Variants in MEIS1 observed in about 807,000 individuals in gnomAD.
MEIS1 encodes the protein Meis homeobox 1, also known as homeobox protein Meis1.
In MEIS1, 5 loss-of-function variants were observed where a neutral mutation model predicts 50.8. That is an observed-to-expected ratio of 0.10 (90% CI 0.05 to 0.21). The LOEUF (loss-of-function observed/expected upper bound fraction) is 0.21, where lower values mean the gene tolerates loss of function less well. Among genes scored for constraint, MEIS1 ranks in the 10% least tolerant of loss-of-function variants. MEIS1 has a pLI of 1.00. For synonymous variants in MEIS1, 176 were observed against 179.3 expected (o/e 0.98, Z 0.15); for missense variants, 318 against 517.3 (o/e 0.61, Z 3.74).
intron 7 of MEIS1, among the ~76,000 whole-genome samples, chr2:66,488,232 T>G (rs12471916): frequency 0.31 from 46,963 of 152,068 alleles, 10,407 homozygotes; most frequent in African/African-American, 0.63. Context: ...GGTCAGGAAT[T>G]ACTGGTATAA....
At chr2:66,477,824 C>T (rs1245508256) in intron 7 of MEIS1, among the ~76,000 whole-genome samples, 2 of 152,192 alleles carry the variant, frequency 1.3e-5, no homozygotes, top group Non-Finnish European at 2.9e-5. Flanking sequence ...TTTCCCACTT[C>T]TCAGCTGCTA....
At chr2:66,490,955 T>C (rs991498360) in intron 7 of MEIS1, among the ~76,000 whole-genome samples, 1 of 152,212 alleles carries the variant, frequency 6.6e-6, no homozygotes, top group Non-Finnish European at 1.5e-5. Flanking sequence ...TCCGGTTCAT[T>C]GTTTGCCACT....
intron 4 of MEIS1, chr2:66,440,934 C>G (rs1430615161): frequency 2.4e-6 from 1 of 419,556 alleles, no homozygotes; most frequent in Middle Eastern, 5.9e-4. Context: ...TTGCGGACTT[C>G]CTAGCCCTCT....
intron 6 of MEIS1, among the ~76,000 whole-genome samples, chr2:66,452,794 T>C (rs1672305362): frequency 6.6e-6 from 1 of 151,972 alleles, no homozygotes; most frequent in Non-Finnish European, 1.5e-5. Context: ...GCTTGGCCTA[T>C]TGTTTCATTA....
At chr2:66,456,926 A>C (rs149477666) in intron 6 of MEIS1, among the ~76,000 whole-genome samples, 67 of 152,312 alleles carry the variant, frequency 4.4e-4, no homozygotes, top group African/African-American at 1.5e-3. Context: ...AGGTTTCTCT[A>C]AAGTATGCTA....
intron 9 of MEIS1, among the ~76,000 whole-genome samples, chr2:66,566,524 A>T (rs755052070): frequency 5.9e-5 from 9 of 152,080 alleles, no homozygotes; most frequent in Non-Finnish European, 1.0e-4. Context: ...TCTGGATTTG[A>T]TACGTAATTT....
chr2:66,509,655 G>GCTTT (rs922612686), intron 7 of MEIS1, among the ~76,000 whole-genome samples: 3 of 152,152 alleles, frequency 2.0e-5, no homozygotes, highest in African/African-American at 7.2e-5. Context: ...TAATGCTTCT[G>GCTTT]CTTTCATACA....
chr2:66,440,900 C>T, intron 4 of MEIS1: 1 of 487,036 alleles, frequency 2.1e-6, no homozygotes, highest in Non-Finnish European at 3.6e-6. Flanking sequence ...TATCTCCCGG[C>T]CTGTCAGCAT....
intron 1 of MEIS1, chr2:66,436,846 A>G: frequency 2.0e-6 from 2 of 977,424 alleles, no homozygotes; most frequent in Non-Finnish European, 2.4e-6. Context: ...CACACACACA[A>G]AATAATGACA....
intron 7 of MEIS1, among the ~76,000 whole-genome samples, chr2:66,509,682 A>AACGCCACAAC (rs1673776783): frequency 6.6e-6 from 1 of 152,224 alleles, no homozygotes; most frequent in Non-Finnish European, 1.5e-5. Context: ...ATAAACAGGA[A>AACGCCACAAC]AGGTTCTGGT....
intron 7 of MEIS1, among the ~76,000 whole-genome samples, chr2:66,485,102 A>AT (rs1212279930): frequency 6.6e-6 from 1 of 151,790 alleles, no homozygotes; most frequent in Non-Finnish European, 1.5e-5. Flanking sequence ...TACACATATG[A>AT]TTTTTTATTA....
chr2:66,563,042 ACTAT>A (rs1326045571), intron 9 of MEIS1, among the ~76,000 whole-genome samples: 1 of 152,194 alleles, frequency 6.6e-6, no homozygotes, highest in Non-Finnish European at 1.5e-5. Context: ...AAGGTGTGTA[ACTAT>A]CTATTTTAAT....
chr2:66,450,632 A>T (rs1003645745), intron 6 of MEIS1, among the ~76,000 whole-genome samples: 1 of 152,208 alleles, frequency 6.6e-6, no homozygotes, highest in African/African-American at 2.4e-5. Context: ...ACATTTTACA[A>T]TGGACTTAAA....
At chr2:66,454,956 G>GT in intron 6 of MEIS1, among the ~76,000 whole-genome samples, 1 of 152,088 alleles carries the variant, frequency 6.6e-6, no homozygotes. Context: ...GTGGATTAGG[G>GT]TTTTTTTCAG....
chr2:66,473,856 T>C (rs1015671576), intron 7 of MEIS1, among the ~76,000 whole-genome samples: 2 of 152,030 alleles, frequency 1.3e-5, no homozygotes, highest in African/African-American at 4.8e-5. Context: ...TCCAGGACCC[T>C]CTCCCCTCAA....
intron 7 of MEIS1, among the ~76,000 whole-genome samples, chr2:66,479,050 A>G (rs1010661338): frequency 6.6e-6 from 1 of 152,256 alleles, no homozygotes; most frequent in African/African-American, 2.4e-5. Flanking sequence ...TGTTATAACA[A>G]GATTGTTTGA....
chr2:66,490,661 G>A (rs1239633309), intron 7 of MEIS1, among the ~76,000 whole-genome samples: 1 of 151,968 alleles, frequency 6.6e-6, no homozygotes, highest in Non-Finnish European at 1.5e-5. Flanking sequence ...TATGATCTGG[G>A]TTGTGATTCA....
At chr2:66,469,346 T>G (rs888807109) in intron 7 of MEIS1, among the ~76,000 whole-genome samples, 1 of 152,088 alleles carries the variant, frequency 6.6e-6, no homozygotes, top group African/African-American at 2.4e-5. Flanking sequence ...CCAGGCAACC[T>G]ATAGGCAGAA....
Position 66,440,590 on chromosome 2 carries a change from C to T in MEIS1, c.410C>T (p.Ser137Phe). The T allele has an allele frequency of 6.2e-7, 1 of 1,613,050 alleles. No homozygotes were observed. The highest frequency in any genetic ancestry group is 8.5e-7 in the Non-Finnish European group (1 of 1,179,530). ...CGCGCAGAAAAACCTCTATTTTCTT[C>T]TAATCCAGAACTGGATAACTTGGTA... ...QIRAEKPLFS[S>F]NPELDNLMIQ... The change falls in exon 4 of 13, where the codon TCT becomes TTT. Residue 137 changes from serine to phenylalanine, a missense_variant. By Grantham distance (155) the Ser-to-Phe change is radical (BLOSUM62 -2). Coordinates refer to ENST00000272369, the MANE Select transcript of MEIS1 (RefSeq NM_002398.3).
Sources: gnomAD v4.1 joint callset for allele counts (sites outside exome capture counted in the v4.1 genomes callset) on GRCh38, gnomAD v4.1.1 for gene constraint, MANE v1.5 for transcripts, NCBI Gene and HGNC (gene_info 2026-07-23, HGNC 2026-07-21) for gene names.